UTRN: variants seen among roughly 807,000 people sequenced by gnomAD.
UTRN encodes the protein utrophin, also known as dystrophin-related protein 1.
Under a neutral mutation model 463.9 loss-of-function variants are expected in UTRN, and 283 were observed. The observed-to-expected ratio is 0.61, with a 90% CI of 0.55 to 0.67. The LOEUF is 0.67. Among genes scored for constraint, UTRN ranks in the 30% least tolerant of loss-of-function variants. The probability of loss-of-function intolerance (pLI) is 0.00; values close to 1 mark genes in which losing one functional copy is unlikely to be tolerated. For missense variants in UTRN, 3,922 were observed against 4,084.3 expected (o/e 0.96, Z 1.08); for synonymous variants, 1,442 against 1,431.5 (o/e 1.01, Z -0.17).
At chr6:144,825,208 G>A (rs1780072932) in intron 66 of UTRN, among the ~76,000 whole-genome samples, 1 of 152,172 alleles carries the variant, frequency 6.6e-6, no homozygotes, top group Non-Finnish European at 1.5e-5. Context: ...AGTATTTGTA[G>A]CAGAGTCTGC....
At chr6:144,626,022 A>G (rs1426677438) in intron 51 of UTRN, among the ~76,000 whole-genome samples, 3 of 152,224 alleles carry the variant, frequency 2.0e-5, no homozygotes, top group African/African-American at 4.8e-5. Context: ...CTATAGCTGT[A>G]TCACAGAAAT....
intron 2 of UTRN, among the ~76,000 whole-genome samples, chr6:144,320,194 A>T (rs1368183176): frequency 2.0e-5 from 3 of 152,246 alleles, no homozygotes; most frequent in Admixed American, 2.0e-4. Context: ...AGACTCGGAT[A>T]AAAATAATTA....
intron 2 of UTRN, among the ~76,000 whole-genome samples, chr6:144,306,819 G>C (rs1356655387): frequency 6.6e-6 from 1 of 151,666 alleles, no homozygotes; most frequent in Non-Finnish European, 1.5e-5. Flanking sequence ...ACTTTGAAAG[G>C]CCGAGGCGGG....
chr6:144,539,808 G>A (rs188120246), intron 45 of UTRN, among the ~76,000 whole-genome samples: 16 of 152,148 alleles, frequency 1.1e-4, no homozygotes, highest in Admixed American at 9.2e-4. Flanking sequence ...TTGAGAGGCC[G>A]AGATGGGGGG....
chr6:144,561,839 T>G (rs899367757), intron 50 of UTRN, among the ~76,000 whole-genome samples: 1 of 152,180 alleles, frequency 6.6e-6, no homozygotes, highest in Non-Finnish European at 1.5e-5. Flanking sequence ...CATCATATGC[T>G]CTTTCATATA....
chr6:144,495,243 A>T (rs931019431), intron 33 of UTRN, among the ~76,000 whole-genome samples: 25 of 151,788 alleles, frequency 1.6e-4, no homozygotes, highest in Non-Finnish European at 2.1e-4. Flanking sequence ...GAGCCCATGG[A>T]GGGGGTGGGA....
chr6:144,314,234 A>C (rs966743057), intron 2 of UTRN, among the ~76,000 whole-genome samples: 2 of 152,312 alleles, frequency 1.3e-5, no homozygotes, highest in South Asian at 4.1e-4. Flanking sequence ...AAATGACTAC[A>C]CAAGTCATAA....
At chr6:144,654,017 G>A (rs1779082687) in intron 51 of UTRN, among the ~76,000 whole-genome samples, 1 of 152,246 alleles carries the variant, frequency 6.6e-6, no homozygotes, top group Admixed American at 6.5e-5. Context: ...AAGGAAGAGA[G>A]ATAACGGTAC....
At position 144,451,486 on chromosome 6, in the gene UTRN, A is replaced by C. The variant is rs1350280254; in HGVS notation, c.2189A>C (p.Lys730Thr). The change falls in exon 18 of 75, where the codon AAG (lysine) becomes ACG (threonine). Residue 730 changes from lysine (K) to threonine (T), a missense_variant. By Grantham distance (78) the Lys-to-Thr change is moderately conservative. This residue lies in a region of UTRN where 2,349 missense variants were observed against 2,303.8 expected (regional missense o/e 1.02). Transcript: ENST00000367545. ...KMQDTSEMKK[K>T]LKALEKEQRE... ...CAAGACACTTCCGAAATGAAAAAGA[A>C]GTTGAAGGTAAAAAACATAAACCAC... The C allele has an allele frequency of 6.2e-7, 1 of 1,609,642 alleles. No individual in the cohort carries two copies. Among genetic ancestry groups the C allele is most frequent in the South Asian group, 1.1e-5 (1 of 90,890 alleles).
chr6:144,744,131 A>G (rs1223354310), intron 54 of UTRN, among the ~76,000 whole-genome samples: 2 of 148,124 alleles, frequency 1.4e-5, no homozygotes, highest in African/African-American at 4.9e-5. Context: ...CTAAAAAAAA[A>G]AAAAAAAAAT....
At chr6:144,293,154 A>G (rs553443686) in intron 2 of UTRN, among the ~76,000 whole-genome samples, 1 of 152,316 alleles carries the variant, frequency 6.6e-6, no homozygotes, top group African/African-American at 2.4e-5. Context: ...TATTAATATC[A>G]TCTTAGGAGT....
chr6:144,828,486 C>G lies in UTRN; in HGVS notation c.9600-304C>G, dbSNP rs564246027. Among the ~76,000 whole-genome samples, 5 of 152,192 alleles carry G rather than the reference C, an allele frequency of 3.3e-5. No individual in the cohort carries two copies. In the East Asian group the frequency reaches 9.7e-4, roughly 29 times the overall value. ...ATTTTATTTGTTTGAGAATGTCACG[C>G]TCACTTAGATGTAGACCAACTAGAG... On this transcript the variant is annotated intron_variant, in intron 68 of 74. Coordinates refer to ENST00000367545, the MANE Select transcript of UTRN (RefSeq NM_007124.3).
At chr6:144,459,406 A>T in intron 21 of UTRN, 52 bp downstream of exon 21, 1 of 1,520,036 alleles carries the variant, frequency 6.6e-7, no homozygotes, top group Non-Finnish European at 8.8e-7. Flanking sequence ...TAATGTAAAC[A>T]TGACTCCCAA....
intron 26 of UTRN, among the ~76,000 whole-genome samples, chr6:144,480,247 T>C (rs1016939668): frequency 1.3e-5 from 2 of 152,180 alleles, no homozygotes; most frequent in Non-Finnish European, 2.9e-5. Flanking sequence ...TTTGGGAGGC[T>C]ACAGAGAATG....
intron 62 of UTRN, among the ~76,000 whole-genome samples, chr6:144,792,256 A>G (rs1776822659): frequency 6.6e-6 from 1 of 152,176 alleles, no homozygotes; most frequent in African/African-American, 2.4e-5. Flanking sequence ...TTATAAAAAG[A>G]GAGAATGGAC....
chr6:144,402,483 T>C (rs1471642570), intron 2 of UTRN, among the ~76,000 whole-genome samples: 4 of 152,224 alleles, frequency 2.6e-5, no homozygotes, highest in African/African-American at 7.2e-5. Flanking sequence ...TTTCTTTTTT[T>C]TATGGCTCAG....
intron 2 of UTRN, among the ~76,000 whole-genome samples, chr6:144,324,798 G>A (rs72991956): frequency 0.047 from 7,117 of 152,288 alleles, 286 homozygotes; most frequent in Non-Finnish European, 0.069. Flanking sequence ...AAGTGGAAAT[G>A]AAATAACCAT....
At chr6:144,732,257 T>C (rs7748071) in intron 54 of UTRN, among the ~76,000 whole-genome samples, 3,656 of 85,402 alleles carry the variant, frequency 0.043, 70 homozygotes, top group Non-Finnish European at 0.056. Context: ...TATATATATA[T>C]ACACACATAT....
intron 53 of UTRN, among the ~76,000 whole-genome samples, chr6:144,718,489 G>C (rs539340751): frequency 6.6e-6 from 1 of 152,128 alleles, no homozygotes; most frequent in Non-Finnish European, 1.5e-5. Context: ...TTATTCTACA[G>C]CACTGAATAG....
Sources: gnomAD v4.1 joint callset for allele counts (sites outside exome capture counted in the v4.1 genomes callset) on GRCh38, gnomAD v4.1.1 for gene constraint, gnomAD v4.1.1 regional missense constraint, MANE v1.5 for transcripts, NCBI Gene and HGNC (gene_info 2026-07-23, HGNC 2026-07-21) for gene names.